Variants in AQR observed in about 807,000 individuals in gnomAD.
AQR encodes aquarius intron-binding spliceosomal factor, also known as RNA helicase aquarius.
AQR carries 61 observed loss-of-function variants against 180.5 expected under a neutral mutation model. That is an observed-to-expected ratio of 0.34 (90% CI 0.28 to 0.42). The LOEUF is 0.42. Among genes scored for constraint, AQR ranks in the 10% least tolerant of loss-of-function variants. The pLI, the probability that AQR is intolerant of heterozygous loss-of-function variation, is 1.00. For missense variants in AQR, 1,281 were observed against 1,798.3 expected (o/e 0.71, Z 5.20); for synonymous variants, 551 against 588.8 (o/e 0.94, Z 0.93).
rs755874242 is a variant in AQR at position 34,915,055 on chromosome 15, G to A, written c.1467C>T (p.Val489=). 6 of 1,607,570 alleles carry A rather than the reference G, an allele frequency of 3.7e-6. No homozygotes were observed. In the East Asian group the frequency reaches 1.3e-4, roughly 36 times the overall value. ...YEIRQDIEDS[V]SRMKPWQSEY... is the part of the protein sequence containing the mutation. Reference sequence around the variant, plus strand: ...TTACTAACCATGGCTTCATTCTGCTGACACTATCTTCAATGTCCTGACGAA... The same window carrying A: ...TTACTAACCATGGCTTCATTCTGCTAACACTATCTTCAATGTCCTGACGAA... Residue 489 remains valine (V), a synonymous_variant, in exon 16 of 35, where the codon GTC becomes GTT. Transcript: ENST00000156471.
chr15:34,860,251 A>C, intron 33 of AQR, 96 bp from the exon 34 acceptor site: 1 of 509,280 alleles, frequency 2.0e-6, no homozygotes, highest in Admixed American at 3.9e-5. Context: ...ATGAATAAGC[A>C]CAATTAGGGT....
chr15:34,907,622 T>C (rs1429821098), intron 17 of AQR, among the ~76,000 whole-genome samples: 2 of 152,126 alleles, frequency 1.3e-5, no homozygotes, highest in African/African-American at 4.8e-5. Context: ...CTGGTTAGAG[T>C]ATGGGTAAAG....
At chr15:34,874,418 AAGG>A in intron 29 of AQR, 1 of 434,774 alleles carries the variant, frequency 2.3e-6, no homozygotes, top group Non-Finnish European at 4.0e-6. Flanking sequence ...GACATGAAGA[AAGG>A]AGAAGGGACA....
At chr15:34,864,816 G>A (rs909856864) in intron 32 of AQR, among the ~76,000 whole-genome samples, 3 of 152,094 alleles carry the variant, frequency 2.0e-5, no homozygotes, top group Admixed American at 6.6e-5. Flanking sequence ...TATGATCTCC[G>A]TTGTACATGA....
intron 33 of AQR, among the ~76,000 whole-genome samples, chr15:34,861,862 G>GT (rs546279764): frequency 1.7e-4 from 25 of 151,312 alleles, no homozygotes; most frequent in South Asian, 1.3e-3. Flanking sequence ...CAAGATTTAA[G>GT]TTTTTTTTTA....
At chr15:34,934,154 G>GAAAGA (rs985545790) in intron 10 of AQR, among the ~76,000 whole-genome samples, 12 of 150,346 alleles carry the variant, frequency 8.0e-5, no homozygotes, top group Middle Eastern at 3.2e-3. Context: ...AGAAGAAAAG[G>GAAAGA]AAAGAAAAGA....
chr15:34,860,185 T>C, intron 33 of AQR, 30 bp from the exon 34 acceptor site: 1 of 1,269,526 alleles, frequency 7.9e-7, no homozygotes, highest in Non-Finnish European at 1.1e-6. Context: ...ACGTTAAGTA[T>C]CTAGTAAAAC....
chr15:34,874,222 G>T (rs1047537591), intron 29 of AQR: 6 of 420,260 alleles, frequency 1.4e-5, no homozygotes, highest in Non-Finnish European at 1.7e-5. Context: ...GTTCTATTAC[G>T]CTCTCTGAGG....
At position 34,904,420 on chromosome 15, in the gene AQR, G is replaced by A. The variant is rs575622885; in HGVS notation, c.1917C>T (p.Thr639=). 4 of 1,610,086 alleles carry A rather than the reference G, an allele frequency of 2.5e-6. No homozygotes were observed. The highest frequency in any genetic ancestry group is 1.3e-5 in the African/African-American group (1 of 74,822). ...LDPNQYQQDM[T]NTIQNGAEDV... is the part of the protein sequence containing the mutation. ...CCTCTGCTCCATTTTGTATAGTATT[G>A]GTCATATCTTGTTGATACTGGTTTG... The change falls in exon 19 of 35, where the codon ACC becomes ACT. Residue 639 remains threonine, a synonymous_variant. Transcript: ENST00000156471.
At chr15:34,899,524 A>G (rs1595790932) in intron 20 of AQR, among the ~76,000 whole-genome samples, 1 of 149,052 alleles carries the variant, frequency 6.7e-6, no homozygotes. Flanking sequence ...GACTGTAGGC[A>G]CACACCAATC....
intron 31 of AQR, chr15:34,868,874 CCA>C (rs1325102060): frequency 1.3e-5 from 2 of 152,082 alleles, no homozygotes; most frequent in African/African-American, 4.8e-5. Flanking sequence ...AACAAATATA[CCA>C]CAGTTTTGTC....
intron 32 of AQR, among the ~76,000 whole-genome samples, chr15:34,866,323 G>A (rs561489762): frequency 1.1e-3 from 162 of 152,040 alleles, no homozygotes; most frequent in Middle Eastern, 3.4e-3. Context: ...TGAAGAAGTT[G>A]GAGTTTCAAA....
chr15:34,939,528 AAT>A (rs1380260715), intron 8 of AQR, among the ~76,000 whole-genome samples: 1 of 152,248 alleles, frequency 6.6e-6, no homozygotes, highest in Non-Finnish European at 1.5e-5. Flanking sequence ...GTTTAAGTAT[AAT>A]AGAGTATTAC....
chr15:34,898,615 T>G (rs1027955764), intron 20 of AQR, among the ~76,000 whole-genome samples: 2 of 152,164 alleles, frequency 1.3e-5, no homozygotes, highest in East Asian at 1.9e-4. Context: ...GCCAGGCGCG[T>G]TGGCTCACAC....
At chr15:34,900,955 A>C in intron 19 of AQR, 92 bp from the exon 20 acceptor site, 1 of 1,462,206 alleles carries the variant, frequency 6.8e-7, no homozygotes. Context: ...ACTAATCCAG[A>C]ATTCCCGAGT....
In AQR at chr15:34,960,790, C is replaced by A; in HGVS notation, c.157G>T (p.Glu53Ter). 1.1e-6 allele frequency: 1 copy of A among 928,600 alleles called. No homozygotes were observed. Among genetic ancestry groups the A allele is most frequent in the South Asian group, 1.5e-5 (1 of 65,710 alleles). 57.5% of individuals were successfully genotyped at this position (928,600 alleles called of 1,614,324 possible). ...CATTCCTACCTTGATTTGACAATCT[C>A]TTTTTCATATATATCTTCAATAACC... ...IKVIEDIYEK[E>*]IVKSRFAIRK... is the part of the protein sequence containing the mutation. The change falls in exon 3 of 35, where the codon GAG becomes TAG. Residue 53 changes from glutamate to a stop codon, truncating the protein, a stop_gained. Coordinates refer to ENST00000156471, the MANE Select transcript of AQR (RefSeq NM_014691.3). LOFTEE classifies it high-confidence loss of function.
chr15:34,934,891 G>A (rs1049665179), intron 9 of AQR, among the ~76,000 whole-genome samples: 99 of 152,098 alleles, frequency 6.5e-4, no homozygotes, highest in African/African-American at 1.9e-3. Flanking sequence ...AATCAGGTTT[G>A]CAAAGATATT....
At chr15:34,929,626 G>C (rs1893820137) in intron 12 of AQR, among the ~76,000 whole-genome samples, 2 of 152,178 alleles carry the variant, frequency 1.3e-5, no homozygotes, top group African/African-American at 4.8e-5. Flanking sequence ...GTAGCATGAT[G>C]CCTCCAGCTT....
rs552463550 is a variant in AQR, at chr15:34,862,200, A to T, written c.4029+667T>A. Among the ~76,000 whole-genome samples the T allele has an allele frequency of 3.9e-5, 6 of 152,316 alleles. No individual in the cohort carries two copies. In the South Asian group the frequency reaches 6.2e-4, roughly 16 times the overall value. Reference sequence around the variant, plus strand: ...CTCTCTCCTCCCTCATTTCCCCAGAATGTAAGCTTCTTAAGAACTCAACTA... The same window carrying T: ...CTCTCTCCTCCCTCATTTCCCCAGATTGTAAGCTTCTTAAGAACTCAACTA... On this transcript the variant is annotated intron_variant, in intron 33 of 34. Coordinates refer to ENST00000156471, the MANE Select transcript of AQR (RefSeq NM_014691.3).
Sources: gnomAD v4.1 joint callset for allele counts (sites outside exome capture counted in the v4.1 genomes callset) on GRCh38, gnomAD v4.1.1 for gene constraint, MANE v1.5 for transcripts, NCBI Gene and HGNC (gene_info 2026-07-23, HGNC 2026-07-21) for gene names.